Variants in PRKAG2 observed in about 807,000 individuals in gnomAD.
The protein encoded by PRKAG2 is protein kinase AMP-activated non-catalytic subunit gamma 2.
In PRKAG2, 26 loss-of-function variants were observed where a neutral mutation model predicts 69.6. The observed-to-expected ratio is 0.37, with a 90% CI of 0.27 to 0.52. The LOEUF (loss-of-function observed/expected upper bound fraction) is 0.52. Among genes scored for constraint, PRKAG2 ranks in the 20% least tolerant of loss-of-function variants. The pLI, the probability that PRKAG2 is intolerant of heterozygous loss-of-function variation, is 0.90. For missense variants in PRKAG2, 557 were observed against 740.0 expected (o/e 0.75, Z 2.87); for synonymous variants, 293 against 285.0 (o/e 1.03, Z -0.28).
chr7:151,583,663 A>G lies in PRKAG2; in HGVS notation c.865-7211T>C, dbSNP rs1811000682. Among the ~76,000 whole-genome samples, 1 of 152,214 alleles carries G rather than the reference A, an allele frequency of 6.6e-6. No homozygotes were observed. The highest frequency in any genetic ancestry group is 2.4e-5 in the African/African-American group (1 of 41,464). On this transcript the variant is annotated intron_variant, in intron 6 of 15. Transcript: ENST00000287878. The surrounding 1 kb of genome is among the most constrained non-coding windows in gnomAD (Gnocchi z 4.1). ...AGAGGACTAACACAATCTAGTTCTA[A>G]TTTGCAGGAAGAAACCGCTCAGGGA...
rs2151330786 is a variant in PRKAG2, at chr7:151,632,837, A to G, written c.685-699T>C. On this transcript the variant is annotated intron_variant, in intron 4 of 15. Coordinates refer to ENST00000287878, the MANE Select transcript of PRKAG2 (RefSeq NM_016203.4). This position sits in a 1 kb window ranked among gnomAD's most constrained non-coding sequence, Gnocchi z 4.2. ...TTTTTTTTCCAGCATGGAACTCTTA[A>G]TTCGCGTCCTCTCTTCGCAGCCGAG... The G allele has an allele frequency of 6.6e-6, 1 of 151,972 alleles. No individual in the cohort carries two copies. Among genetic ancestry groups the G allele is most frequent in the Admixed American group, 6.6e-5 (1 of 15,218 alleles). The allele number at this position is 151,972 out of a possible 1,614,324, so 9.4% of individuals were successfully genotyped here.
chr7:151,651,514 G>A (rs763375473), intron 4 of PRKAG2, among the ~76,000 whole-genome samples: 1 of 152,184 alleles, frequency 6.6e-6, no homozygotes, highest in African/African-American at 2.4e-5. Flanking sequence ...GGCTGAGGTA[G>A]GAGAATCTCT....
intron 3 of PRKAG2, among the ~76,000 whole-genome samples, chr7:151,739,128 C>T (rs76563225): frequency 0.051 from 7,752 of 152,252 alleles, 673 homozygotes; most frequent in African/African-American, 0.18. Flanking sequence ...GAAGCCTGCT[C>T]GGCCCCGGCA....
intron 10 of PRKAG2, 60 bp downstream of exon 10, chr7:151,570,111 A>G: frequency 5.2e-6 from 8 of 1,544,876 alleles, no homozygotes; most frequent in Non-Finnish European, 7.0e-6. Context: ...TCTTTCTATC[A>G]TGGTGATAAA....
Position 151,576,374 on chromosome 7 carries a change from C to T in PRKAG2, c.943G>A (p.Val315Ile), listed in dbSNP as rs1808925527. Residue 315 changes from valine (V) to isoleucine (I), a missense_variant, in exon 7 of 16, where the codon GTA becomes ATA. Transcript: ENST00000287878. ...TCCTCAGGCCCACACTGCTTACCTA[C>T]AAAACTTTGTTTTTTACTCTCCCAC... The part of the protein sequence containing the change: ...PLWESKKQSF[V>I]GMLTITDFIN... The T allele has an allele frequency of 6.2e-7, 1 of 1,601,920 alleles. No homozygotes were observed. Among genetic ancestry groups the T allele is most frequent in the Non-Finnish European group, 8.6e-7 (1 of 1,169,030 alleles).
intron 2 of PRKAG2, among the ~76,000 whole-genome samples, chr7:151,782,847 C>A (rs1323460551): frequency 2.0e-5 from 3 of 152,226 alleles, no homozygotes; most frequent in Non-Finnish European, 4.4e-5. Context: ...GGGAAACTTG[C>A]AAGCAACACT....
intron 1 of PRKAG2, among the ~76,000 whole-genome samples, chr7:151,787,762 T>C (rs1027086736): frequency 3.3e-5 from 5 of 152,174 alleles, no homozygotes; most frequent in Admixed American, 6.5e-5. Flanking sequence ...GGAGATAGGG[T>C]CTTTAAGCAG....
intron 1 of PRKAG2, among the ~76,000 whole-genome samples, chr7:151,827,362 T>C (rs1229730377): frequency 6.6e-6 from 1 of 152,144 alleles, no homozygotes; most frequent in African/African-American, 2.4e-5. Flanking sequence ...CTTCAGCCTC[T>C]GGAGTAGCCA....
chr7:151,857,903 T>C (rs1391870095), intron 1 of PRKAG2, among the ~76,000 whole-genome samples: 1 of 152,230 alleles, frequency 6.6e-6, no homozygotes, highest in African/African-American at 2.4e-5. Context: ...GAATGGGGCA[T>C]AGGAGACAAA....
In PRKAG2 at chr7:151,675,573, C is replaced by A. The variant is rs373000537; in HGVS notation, c.531G>T (p.Leu177=). ...GTTCAGGCTCGTGCTTATAGGATTC[C>A]AGGGGAAACGTGTGCTGCTTGGTCA... is the stretch of plus-strand genomic sequence containing the variant. The part of the protein sequence containing the change: ...TQVTKQHTFP[L]ESYKHEPERL... Residue 177 remains leucine (L), a synonymous_variant, in exon 4 of 16, where the codon CTG becomes CTT. Transcript: ENST00000287878. The A allele has an allele frequency of 4.7e-4, 757 of 1,614,154 alleles. 11 individuals are homozygous for A. The South Asian group carries it at 7.6e-3, about 16-fold the overall frequency.
intron 3 of PRKAG2, among the ~76,000 whole-genome samples, chr7:151,702,442 C>T (rs536784968): frequency 6.6e-6 from 1 of 152,178 alleles, no homozygotes; most frequent in African/African-American, 2.4e-5. Context: ...CAGGTCCACA[C>T]TGATCCTGAG....
chr7:151,677,291 A>T (rs1833094240), intron 3 of PRKAG2, among the ~76,000 whole-genome samples: 1 of 151,958 alleles, frequency 6.6e-6, no homozygotes, highest in South Asian at 2.1e-4. Flanking sequence ...GGTTCAAGCG[A>T]TTCTCCTGCC....
intron 1 of PRKAG2, among the ~76,000 whole-genome samples, chr7:151,856,748 G>C (rs1253250457): frequency 6.6e-6 from 1 of 152,152 alleles, no homozygotes; most frequent in Non-Finnish European, 1.5e-5. Context: ...GTCCCCACCG[G>C]AGCACGGTCA....
intron 1 of PRKAG2, among the ~76,000 whole-genome samples, chr7:151,863,825 C>T (rs2079994472): frequency 6.6e-6 from 1 of 151,682 alleles, no homozygotes; most frequent in African/African-American, 2.4e-5. Context: ...GTAAGAGGAT[C>T]GCTTGAGCTC....
rs1217681908 is a variant in PRKAG2 at position 151,780,347 on chromosome 7, A to T, written c.466+805T>A. 6.6e-6 allele frequency among the ~76,000 whole-genome samples: 1 copy of T among 152,226 alleles called. No homozygotes were observed. Among genetic ancestry groups the T allele is most frequent in the Admixed American group, 6.5e-5 (1 of 15,278 alleles). On this transcript the variant is annotated intron_variant, in intron 3 of 15. Coordinates refer to ENST00000287878, the MANE Select transcript of PRKAG2 (RefSeq NM_016203.4). The surrounding 1 kb of genome is among the most constrained non-coding windows in gnomAD (Gnocchi z 4.2). ...TCTTTCTGAGTAAAAGTCAGCCTGGAGAGAAAGGTGAACTATCCCAGGCCT... is the reference window on the plus strand; with the variant it reads ...TCTTTCTGAGTAAAAGTCAGCCTGGTGAGAAAGGTGAACTATCCCAGGCCT...
intron 7 of PRKAG2, 44 bp from the exon 8 acceptor site, chr7:151,574,993 T>G (rs1335781349): frequency 9.3e-6 from 15 of 1,607,046 alleles, no homozygotes; most frequent in Non-Finnish European, 1.3e-5. Context: ...CATGAAAACA[T>G]TTTTAAAAAT....
At position 151,777,209 on chromosome 7, in the gene PRKAG2, C is replaced by T. The variant is rs2076410615; in HGVS notation, c.466+3943G>A. ...ATGGGCCCCGAGGTCTAGCTCTTCACTGCGGCAGCACCCCATGTGGACACC... is the reference window on the plus strand; with the variant it reads ...ATGGGCCCCGAGGTCTAGCTCTTCATTGCGGCAGCACCCCATGTGGACACC... On this transcript the variant is annotated intron_variant, in intron 3 of 15. Transcript: ENST00000287878. This position sits in a 1 kb window ranked among gnomAD's most constrained non-coding sequence, Gnocchi z 4.3. Among the ~76,000 whole-genome samples the T allele has an allele frequency of 6.6e-6, 1 of 152,216 alleles. No individual in the cohort carries two copies. Among genetic ancestry groups the T allele is most frequent in the Admixed American group, 6.5e-5 (1 of 15,290 alleles).
chr7:151,568,130 CA>C (rs1280951021), intron 11 of PRKAG2, among the ~76,000 whole-genome samples: 3 of 152,298 alleles, frequency 2.0e-5, no homozygotes, highest in East Asian at 1.9e-4. Flanking sequence ...TGTTTCCAAC[CA>C]AACAGGCTCA....
intron 1 of PRKAG2, among the ~76,000 whole-genome samples, chr7:151,874,645 G>A (rs1291598111): frequency 6.6e-6 from 1 of 152,216 alleles, no homozygotes; most frequent in Non-Finnish European, 1.5e-5. Flanking sequence ...AGCACTTTGA[G>A]AGGTCAAGGT....
Sources: gnomAD v4.1 joint callset for allele counts (sites outside exome capture counted in the v4.1 genomes callset) on GRCh38, gnomAD v4.1.1 for gene constraint, Gnocchi (gnomAD v3.1) non-coding constraint, MANE v1.5 for transcripts, NCBI Gene and HGNC (gene_info 2026-07-23, HGNC 2026-07-21) for gene names.